Variants in PRKCA observed in about 807,000 individuals in gnomAD.
PRKCA encodes the protein protein kinase C alpha type.
In PRKCA, 27 loss-of-function variants were observed where a neutral mutation model predicts 87.0. That is an observed-to-expected ratio of 0.31 (90% CI 0.23 to 0.43). The LOEUF (loss-of-function observed/expected upper bound fraction) is 0.43. Ranked by LOEUF, PRKCA falls within the 20% of genes least tolerant of loss-of-function variation. The pLI is 1.00. For missense variants in PRKCA, 518 were observed against 852.3 expected (o/e 0.61, Z 4.88); for synonymous variants, 329 against 311.1 (o/e 1.06, Z -0.61).
At chr17:66,702,575 A>G (rs925719644) in intron 8 of PRKCA, among the ~76,000 whole-genome samples, 1 of 152,154 alleles carries the variant, frequency 6.6e-6, no homozygotes, top group Non-Finnish European at 1.5e-5. Context: ...AAAGATTCTC[A>G]CCACACACAC....
At chr17:66,491,624 A>G (rs891446893) in intron 2 of PRKCA, among the ~76,000 whole-genome samples, 1 of 152,256 alleles carries the variant, frequency 6.6e-6, no homozygotes, top group Admixed American at 6.5e-5. Context: ...AAATTAAAAA[A>G]AGACAAAAAA....
At chr17:66,463,342 A>G (rs1914939190) in intron 2 of PRKCA, among the ~76,000 whole-genome samples, 1 of 151,676 alleles carries the variant, frequency 6.6e-6, no homozygotes, top group African/African-American at 2.4e-5. Flanking sequence ...CTACCCAGGA[A>G]TTTGATTTTG....
intron 3 of PRKCA, among the ~76,000 whole-genome samples, chr17:66,632,088 G>A (rs1203664023): frequency 2.0e-5 from 3 of 152,028 alleles, no homozygotes; most frequent in Admixed American, 2.0e-4. Flanking sequence ...GAGATGAGGT[G>A]GTTGCGCCCC....
At chr17:66,605,798 A>T (rs897944375) in intron 3 of PRKCA, among the ~76,000 whole-genome samples, 5 of 152,198 alleles carry the variant, frequency 3.3e-5, no homozygotes, top group Admixed American at 2.0e-4. Flanking sequence ...CCTCAGAGAC[A>T]TCCTGCTCCG....
intron 16 of PRKCA, among the ~76,000 whole-genome samples, chr17:66,797,936 G>A (rs964903999): frequency 6.6e-6 from 1 of 152,218 alleles, no homozygotes; most frequent in Non-Finnish European, 1.5e-5. Flanking sequence ...TGCTCACAAG[G>A]TATAAATGTT....
intron 8 of PRKCA, among the ~76,000 whole-genome samples, chr17:66,717,066 G>A (rs1220963171): frequency 1.3e-5 from 2 of 152,162 alleles, no homozygotes; most frequent in Non-Finnish European, 2.9e-5. Flanking sequence ...TTTAATTCTA[G>A]TGCTCTTGAG....
chr17:66,761,720 G>A (rs549418414), intron 13 of PRKCA, among the ~76,000 whole-genome samples: 62 of 152,068 alleles, frequency 4.1e-4, no homozygotes, highest in African/African-American at 1.3e-3. Flanking sequence ...CACTGTGCCC[G>A]GCCAGTTTTC....
chr17:66,443,714 T>G (rs1014236033), intron 2 of PRKCA, among the ~76,000 whole-genome samples: 1 of 151,928 alleles, frequency 6.6e-6, no homozygotes, highest in African/African-American at 2.4e-5. Flanking sequence ...GCCCATTTAA[T>G]GAGAGAAGTA....
intron 2 of PRKCA, among the ~76,000 whole-genome samples, chr17:66,494,570 C>G (rs945478030): frequency 1.3e-5 from 2 of 152,220 alleles, no homozygotes; most frequent in African/African-American, 4.8e-5. Flanking sequence ...AAACTGCCAC[C>G]ATGGCAACCA....
chr17:66,514,571 G>A (rs1426680421), intron 3 of PRKCA, among the ~76,000 whole-genome samples: 1 of 152,146 alleles, frequency 6.6e-6, no homozygotes, highest in Admixed American at 6.5e-5. Context: ...AGCTGATACA[G>A]CAGCTCCATG....
chr17:66,764,438 T>C (rs1369819755), intron 13 of PRKCA, among the ~76,000 whole-genome samples: 1 of 152,190 alleles, frequency 6.6e-6, no homozygotes, highest in Non-Finnish European at 1.5e-5. Context: ...GCCCTTGGCC[T>C]TGTACAAGAC....
At chr17:66,357,446 T>A (rs529653809) in intron 2 of PRKCA, among the ~76,000 whole-genome samples, 1 of 152,350 alleles carries the variant, frequency 6.6e-6, no homozygotes, top group Admixed American at 6.5e-5. Context: ...AATCCCAATG[T>A]ATTATAATAT....
chr17:66,795,930 CTCTG>C (rs1190530822), intron 16 of PRKCA, among the ~76,000 whole-genome samples: 9 of 152,212 alleles, frequency 5.9e-5, no homozygotes, highest in Admixed American at 3.3e-4. Flanking sequence ...GGCTTATGGC[CTCTG>C]TCTATCAGCA....
chr17:66,588,599 C>G (rs1969690801), intron 3 of PRKCA, among the ~76,000 whole-genome samples: 1 of 134,418 alleles, frequency 7.4e-6, no homozygotes, highest in South Asian at 2.3e-4. Context: ...TTACATGAGC[C>G]TTTTTTATTT....
intron 5 of PRKCA, among the ~76,000 whole-genome samples, chr17:66,679,662 C>A (rs535889946): frequency 6.6e-6 from 1 of 152,256 alleles, no homozygotes; most frequent in African/African-American, 2.4e-5. Flanking sequence ...TCTTTGGCCA[C>A]CCATCTTTCT....
intron 16 of PRKCA, among the ~76,000 whole-genome samples, chr17:66,793,607 A>C (rs949358787): frequency 6.6e-6 from 1 of 151,428 alleles, no homozygotes; most frequent in Non-Finnish European, 1.5e-5. Context: ...AAAAAAAAAA[A>C]AAAAAAAAAC....
At chr17:66,610,955 A>G (rs1254203283) in intron 3 of PRKCA, among the ~76,000 whole-genome samples, 5 of 152,220 alleles carry the variant, frequency 3.3e-5, no homozygotes, top group African/African-American at 1.2e-4. Context: ...GTTGGGCTTC[A>G]GAACAAAGAA....
At chr17:66,378,372 G>A (rs943510450) in intron 2 of PRKCA, among the ~76,000 whole-genome samples, 1 of 152,096 alleles carries the variant, frequency 6.6e-6, no homozygotes, top group Admixed American at 6.5e-5. Context: ...AAATATAAGG[G>A]ATATATGGAG....
intron 3 of PRKCA, among the ~76,000 whole-genome samples, chr17:66,578,118 TAAC>T (rs1969296553): frequency 6.7e-6 from 1 of 148,716 alleles, no homozygotes; most frequent in Admixed American, 6.8e-5. Context: ...CTCAGCCAGC[TAAC>T]GAGAGACTGA....
Sources: allele counts gnomAD v4.1 joint callset (sites outside exome capture counted in the v4.1 genomes callset), GRCh38; gene constraint gnomAD v4.1.1; transcripts MANE v1.5; gene names NCBI Gene and HGNC (gene_info 2026-07-23, HGNC 2026-07-21).